Variants in CORO7 observed in about 807,000 individuals in gnomAD.
CORO7 encodes coronin 7.
A neutral mutation model predicts 126.6 loss-of-function variants in CORO7; 107 were observed. That is an observed-to-expected ratio of 0.85 (90% CI 0.72 to 0.99). CORO7 has a LOEUF of 0.99. Ranked by LOEUF, CORO7 falls within the 50% of genes least tolerant of loss-of-function variation. The pLI, the probability that CORO7 is intolerant of heterozygous loss-of-function variation, is 0.00. For missense variants in CORO7, 1,314 were observed against 1,255.8 expected (o/e 1.05, Z -0.70); for synonymous variants, 603 against 536.8 (o/e 1.12, Z -1.70).
chr16:4,372,569 G>T (rs1424006225), intron 9 of CORO7, among the ~76,000 whole-genome samples: 2 of 152,186 alleles, frequency 1.3e-5, no homozygotes, highest in African/African-American at 4.8e-5. Flanking sequence ...TAGAGCTTCG[G>T]GTATCAGGCA....
At chr16:4,400,877 G>A (rs1039876732) in intron 6 of CORO7, among the ~76,000 whole-genome samples, 4 of 151,680 alleles carry the variant, frequency 2.6e-5, no homozygotes, top group South Asian at 4.2e-4. Context: ...CCACACTCAC[G>A]CAGGATATTC....
intron 1 of CORO7, among the ~76,000 whole-genome samples, chr16:4,413,739 T>C (rs1453492502): frequency 6.6e-6 from 1 of 151,636 alleles, no homozygotes; most frequent in African/African-American, 2.4e-5. Context: ...GGTTTCACCA[T>C]GTTGGCCAGG....
chr16:4,408,779 A>G (rs570581334), intron 3 of CORO7, among the ~76,000 whole-genome samples: 14 of 152,332 alleles, frequency 9.2e-5, no homozygotes, highest in African/African-American at 3.1e-4. Flanking sequence ...CCTGGGCAAC[A>G]CGGTGAAACC....
At chr16:4,367,389 T>A (rs1348802211) in intron 9 of CORO7, among the ~76,000 whole-genome samples, 1 of 152,208 alleles carries the variant, frequency 6.6e-6, no homozygotes, top group African/African-American at 2.4e-5. Context: ...ATTCATTCGT[T>A]CACAATCATT....
intron 19 of CORO7, 56 bp from the exon 20 acceptor site, chr16:4,360,604 TC>T: frequency 6.5e-7 from 1 of 1,538,230 alleles, no homozygotes; most frequent in Non-Finnish European, 8.7e-7. Context: ...GCCCCACCTC[TC>T]CCCACTGCTC....
At position 4,365,086 on chromosome 16, in the gene CORO7, G is replaced by A. The variant is rs200403142; in HGVS notation, c.841-26C>T. The A allele has an allele frequency of 8.8e-4, 1,386 of 1,579,406 alleles. 15 individuals are homozygous for A. Among genetic ancestry groups the A allele is most frequent in the Admixed American group, 2.5e-4 (14 of 55,124 alleles). ...CTGAAATGAGTCTGAACTGAGCCCC[G>A]TTTGCTGACTGAACCCCTGGGGAGG... is the stretch of plus-strand genomic sequence containing the variant. On this transcript the variant is annotated intron_variant, in intron 10 of 27. Transcript: ENST00000251166.
intron 3 of CORO7, among the ~76,000 whole-genome samples, chr16:4,409,514 C>CA (rs1379407568): frequency 1.5e-4 from 23 of 152,232 alleles, no homozygotes; most frequent in African/African-American, 5.5e-4. Context: ...GCAGGGACCT[C>CA]ACTGAATCCT....
intron 9 of CORO7, chr16:4,381,836 T>C (rs1191847996): frequency 1.2e-6 from 2 of 1,601,494 alleles, no homozygotes; most frequent in South Asian, 1.1e-5. Flanking sequence ...CACGTCACAC[T>C]GGCCAGCCCT....
At chr16:4,365,931 G>A (rs577025018) in intron 9 of CORO7, among the ~76,000 whole-genome samples, 3 of 152,296 alleles carry the variant, frequency 2.0e-5, no homozygotes, top group African/African-American at 7.2e-5. Flanking sequence ...AGGTGAGGCC[G>A]GAGGCGAGGA....
At chr16:4,398,848 T>A (rs1314986904) in intron 6 of CORO7, among the ~76,000 whole-genome samples, 1 of 151,102 alleles carries the variant, frequency 6.6e-6, no homozygotes, top group Non-Finnish European at 1.5e-5. Context: ...TGAGACTGTG[T>A]TCCCAGCTAC....
chr16:4,377,765 C>T (rs969195524), intron 9 of CORO7, among the ~76,000 whole-genome samples: 1 of 152,218 alleles, frequency 6.6e-6, no homozygotes, highest in African/African-American at 2.4e-5. Context: ...AGCGCTGCCT[C>T]CTCCCTCCTC....
rs745803451 is a variant in CORO7, at chr16:4,355,192, G to A, written c.2773-29C>T. 4.5e-6 allele frequency: 7 copies of A among 1,566,376 alleles called. No individual in the cohort carries two copies. In the East Asian group the frequency reaches 1.4e-4, roughly 31 times the overall value. ...GGGCGAAACACCAAGAGGTGGGAGG[G>A]AGTCAGGAGGGCCTGGGAAGGGAGG... On this transcript the variant is annotated intron_variant, in intron 27 of 27. Transcript: ENST00000251166.
Position 4,408,013 on chromosome 16 carries a change from T to C in CORO7, c.303+168A>G, listed in dbSNP as rs190142053. Among the ~76,000 whole-genome samples the C allele has an allele frequency of 2.6e-3, 397 of 152,218 alleles. 4 individuals carry two copies. Among genetic ancestry groups the C allele is most frequent in the African/African-American group, 9.1e-3 (379 of 41,532 alleles). ...CAGAGCCACGGCTCCAAGCAAGCCC[T>C]TGGGAGCCAGTGTGGGACCAGGAAT... On this transcript the variant is annotated intron_variant, in intron 4 of 27. Coordinates refer to ENST00000251166, the MANE Select transcript of CORO7 (RefSeq NM_024535.5).
intron 7 of CORO7, among the ~76,000 whole-genome samples, chr16:4,390,193 T>A (rs1043810996): frequency 6.6e-6 from 1 of 152,024 alleles, no homozygotes; most frequent in Admixed American, 6.6e-5. Context: ...GCTCTGGAGG[T>A]GGACCCAGGA....
chr16:4,412,319 GT>G, intron 3 of CORO7, 36 bp downstream of exon 3: 1 of 1,611,232 alleles, frequency 6.2e-7, no homozygotes, highest in Non-Finnish European at 8.5e-7. Context: ...GGAGGTGCAA[GT>G]TTCAGGCTTC....
intron 7 of CORO7, among the ~76,000 whole-genome samples, chr16:4,394,867 T>G (rs2055527867): frequency 6.6e-6 from 1 of 152,206 alleles, no homozygotes; most frequent in Admixed American, 6.5e-5. Context: ...CAGAACACGC[T>G]CAGTCCCTGG....
At chr16:4,416,195 G>A (rs895483981) in intron 1 of CORO7, among the ~76,000 whole-genome samples, 15 of 152,148 alleles carry the variant, frequency 9.9e-5, no homozygotes, top group Non-Finnish European at 4.4e-5. Context: ...GCCGCCTCGG[G>A]GGTCCCGGGG....
chr16:4,356,032 C>T (rs2053967270), intron 26 of CORO7, among the ~76,000 whole-genome samples: 1 of 152,310 alleles, frequency 6.6e-6, no homozygotes, highest in East Asian at 1.9e-4. Context: ...CGGCTCACCA[C>T]AACCTCTGCC....
intron 9 of CORO7, chr16:4,382,306 C>A: frequency 6.2e-7 from 1 of 1,610,356 alleles, no homozygotes; most frequent in Non-Finnish European, 8.5e-7. Flanking sequence ...CACCTCCCTG[C>A]GCGTGGGGCT....
Sources: allele counts gnomAD v4.1 joint callset (sites outside exome capture counted in the v4.1 genomes callset), GRCh38; gene constraint gnomAD v4.1.1; transcripts MANE v1.5; gene names NCBI Gene and HGNC (gene_info 2026-07-23, HGNC 2026-07-21).